Variants in POLR1B observed in about 807,000 individuals in gnomAD.
POLR1B encodes RNA polymerase I subunit B.
In POLR1B, 30 loss-of-function variants were observed where a neutral mutation model predicts 105.8. That is an observed-to-expected ratio of 0.28 (90% CI 0.21 to 0.38). The LOEUF is 0.38. Ranked by LOEUF, POLR1B falls within the 10% of genes least tolerant of loss-of-function variation. The pLI is 1.00. For missense variants in POLR1B, 976 were observed against 1,435.8 expected, an observed-to-expected ratio of 0.68 and a Z score of 5.17; for synonymous variants, 485 against 505.1, an observed-to-expected ratio of 0.96 and a Z score of 0.53.
chr2:112,574,783 A>T, intron 14 of POLR1B, 64 bp from the exon 15 acceptor site: 5 of 1,388,646 alleles, frequency 3.6e-6, no homozygotes, highest in Non-Finnish European at 4.9e-6. Flanking sequence ...TAATTATATC[A>T]ATGAAACTTA....
intron 12 of POLR1B, among the ~76,000 whole-genome samples, chr2:112,571,441 A>C (rs1328283884): frequency 6.6e-6 from 1 of 152,104 alleles, no homozygotes; most frequent in African/African-American, 2.4e-5. Context: ...TTCCTTCTTA[A>C]TACACAGTCC....
intron 10 of POLR1B, among the ~76,000 whole-genome samples, chr2:112,566,953 G>A (rs780318923): frequency 1.3e-5 from 2 of 151,978 alleles, no homozygotes; most frequent in African/African-American, 2.4e-5. Context: ...GGCTGGTCTC[G>A]AACTCCTGAC....
rs1044517681 is a variant in POLR1B, at chr2:112,576,989, G to T, written c.*1260G>T. ...TCTTTCTTGTGTACAGTATTTTATT[G>T]TATGGATTTACCATCCCCTGTGTAT... On this transcript the variant is annotated 3_prime_UTR_variant, in exon 15 of 15. Coordinates refer to ENST00000263331, the MANE Select transcript of POLR1B (RefSeq NM_019014.6). 3 of 152,064 alleles carry T rather than the reference G, an allele frequency of 2.0e-5. No homozygotes were observed. Among genetic ancestry groups the T allele is most frequent in the Non-Finnish European group, 4.4e-5 (3 of 68,010 alleles). 9.4% of individuals were successfully genotyped at this position (152,064 alleles called of 1,614,324 possible). A position where few individuals can be genotyped will look rare whatever the true frequency, so the allele number is the denominator to read the frequency against.
At position 112,579,208 on chromosome 2, in the gene POLR1B, C is replaced by CAAAAAAAAAAAAAAAAAAAAAAAAAAAAA. The variant is rs56190123; in HGVS notation, c.*3483_*3511dup. 3.4e-5 allele frequency among the ~76,000 whole-genome samples: 2 copies of CAAAAAAAAAAAAAAAAAAAAAAAAAAAAA among 58,664 alleles called. No homozygotes were observed. Among genetic ancestry groups the CAAAAAAAAAAAAAAAAAAAAAAAAAAAAA allele is most frequent in the Non-Finnish European group, 5.7e-5 (2 of 35,214 alleles). The allele number at this position is 58,664 out of a possible 152,430, so 38.5% of individuals were successfully genotyped here. On this transcript the variant is annotated 3_prime_UTR_variant, in exon 15 of 15. Transcript: ENST00000263331. Reference sequence around the variant, plus strand: ...GGGCAACAGAGCAAGACTAGAGTCTCAAAAAAAAAAAAAAAAAAAAAAAAA... The same window carrying CAAAAAAAAAAAAAAAAAAAAAAAAAAAAA: ...GGGCAACAGAGCAAGACTAGAGTCTCAAAAAAAAAAAAAAAAAAAAAAAAAAAAAAAAAAAAAAAAAAAAAAAAAAAAAA...
In POLR1B at chr2:112,578,450, C is replaced by T. The variant is rs372816753; in HGVS notation, c.*2721C>T. On this transcript the variant is annotated 3_prime_UTR_variant, in exon 15 of 15. Coordinates refer to ENST00000263331, the MANE Select transcript of POLR1B (RefSeq NM_019014.6). ...ATAACCTTTGAGAATGGCCTTTTCACTCCATTCCCTTGAGATACATCCAGG... is the reference window on the plus strand; with the variant it reads ...ATAACCTTTGAGAATGGCCTTTTCATTCCATTCCCTTGAGATACATCCAGG... Among the ~76,000 whole-genome samples, 26 of 152,296 alleles carry T rather than the reference C, an allele frequency of 1.7e-4. No individual in the cohort carries two copies. Among genetic ancestry groups the T allele is most frequent in the South Asian group, 1.2e-3 (6 of 4,824 alleles).
rs56190123 is a variant in POLR1B at position 112,579,208 on chromosome 2, C to CAAAAAA, written c.*3506_*3511dup. Among the ~76,000 whole-genome samples the CAAAAAA allele has an allele frequency of 7.0e-4, 41 of 58,684 alleles. No individual in the cohort carries two copies. The highest frequency in any genetic ancestry group is 2.0e-3 in the South Asian group (2 of 988). The allele number at this position is 58,684 out of a possible 152,430, so 38.5% of individuals were successfully genotyped here. A position where few individuals can be genotyped will look rare whatever the true frequency, so the allele number is the denominator to read the frequency against. ...GGGCAACAGAGCAAGACTAGAGTCT[C>CAAAAAA]AAAAAAAAAAAAAAAAAAAAAAAAA... On this transcript the variant is annotated 3_prime_UTR_variant, in exon 15 of 15. Transcript: ENST00000263331.
At chr2:112,561,425 A>T (rs1020841947) in intron 9 of POLR1B, among the ~76,000 whole-genome samples, 1 of 151,780 alleles carries the variant, frequency 6.6e-6, no homozygotes, top group Non-Finnish European at 1.5e-5. Context: ...CAAACACTTG[A>T]TGTCTTCAGA....
chr2:112,559,716 T>C (rs968791156), intron 9 of POLR1B, 142 bp downstream of exon 9: 50 of 978,506 alleles, frequency 5.1e-5, no homozygotes, highest in Non-Finnish European at 7.6e-5. Context: ...CTGCAAGCTC[T>C]GCCTCCTAGG....
intron 1 of POLR1B, chr2:112,545,778 C>A (rs60518507): frequency 0.11 from 36,495 of 323,304 alleles, 2,813 homozygotes; most frequent in East Asian, 0.31. Flanking sequence ...TAGCTGGGAC[C>A]ACAGGCGTGC....
rs1483672867 is a variant in POLR1B, at chr2:112,559,319, C to G, written c.1357C>G (p.Leu453Val). 1 of 1,614,154 alleles carries G rather than the reference C, an allele frequency of 6.2e-7. No homozygotes were observed. Among genetic ancestry groups the G allele is most frequent in the African/African-American group, 1.3e-5 (1 of 75,034 alleles). The change falls in exon 9 of 15, where the codon CTT becomes GTT. Residue 453 changes from leucine (L) to valine (V), a missense_variant. Physicochemically the swap from Leu to Val is conservative, Grantham distance 32. Transcript: ENST00000263331. The part of the protein sequence containing the change: ...TGLGLLQDSG[L>V]CVVADKLNFI... ...TCTTGGCCTCCTACAAGATTCTGGACTTTGTGTTGTGGCTGACAAGCTGAA... is the reference window on the plus strand; with the variant it reads ...TCTTGGCCTCCTACAAGATTCTGGAGTTTGTGTTGTGGCTGACAAGCTGAA...
intron 8 of POLR1B, among the ~76,000 whole-genome samples, chr2:112,558,461 G>T (rs1386896488): frequency 6.6e-6 from 1 of 152,108 alleles, no homozygotes; most frequent in Non-Finnish European, 1.5e-5. Flanking sequence ...CACTTTGGGA[G>T]ACCAAGGTAG....
upstream of POLR1B, chr2:112,542,054 C>T: frequency 6.7e-7 from 1 of 1,497,182 alleles, no homozygotes; most frequent in Non-Finnish European, 9.0e-7. Context: ...CCGGATGACT[C>T]CCCAGGGTCG....
chr2:112,564,254 A>G (rs978744260), intron 9 of POLR1B, 112 bp from the exon 10 acceptor site: 19 of 1,283,358 alleles, frequency 1.5e-5, no homozygotes, highest in Admixed American at 2.2e-5. Flanking sequence ...TTTAGAGACA[A>G]GGATAATTTG....
At position 112,568,064 on chromosome 2, in the gene POLR1B, C is replaced by A. The variant is rs750819779; in HGVS notation, c.1844C>A (p.Thr615Asn). The change falls in exon 11 of 15, where the codon ACT becomes AAT. Residue 615 changes from threonine (T) to asparagine (N), a missense_variant. By Grantham distance (65) the Thr-to-Asn change is moderately conservative. Around this residue, in one of 12 missense-constraint regions of POLR1B, gnomAD observed 184 missense variants for 197.4 expected, o/e 0.93. Coordinates refer to ENST00000263331, the MANE Select transcript of POLR1B (RefSeq NM_019014.6). The part of the protein sequence containing the change: ...SLYPGLFLFT[T>N]PCRLVRPVQN... ...TACCCAGGATTGTTCCTTTTTACCA[C>A]TCCTTGTAGACTGGTACGGCCTGTG... 2.2e-5 allele frequency: 35 copies of A among 1,613,958 alleles called. No individual in the cohort carries two copies. Among genetic ancestry groups the A allele is most frequent in the Non-Finnish European group, 3.0e-5 (35 of 1,179,798 alleles).
At position 112,579,080 on chromosome 2, in the gene POLR1B, C is replaced by CTGAGTA. The variant is rs1684984930; in HGVS notation, c.*3351_*3352insTGAGTA. The stretch of plus-strand genomic sequence containing the variant: ...AAAATTAGCTGGGTGTGATGGCACA[C>CTGAGTA]GCCTGTAATCCCAGCTACTCAGGAG... On this transcript the variant is annotated 3_prime_UTR_variant, in exon 15 of 15. Transcript: ENST00000263331. Among the ~76,000 whole-genome samples, 1 of 151,716 alleles carries CTGAGTA rather than the reference C, an allele frequency of 6.6e-6. No individual in the cohort carries two copies. The highest frequency in any genetic ancestry group is 1.5e-5 in the Non-Finnish European group (1 of 67,926).
rs751593222 is a variant in POLR1B at position 112,552,035 on chromosome 2, G to A, written c.986+37G>A. 2.8e-5 allele frequency: 44 copies of A among 1,545,082 alleles called. No homozygotes were observed. In the East Asian group the frequency reaches 3.6e-4, roughly 13 times the overall value. ...TTGTCTAAACTGTTTTTGGAGGGGC[G>A]GAGGGCTGTCAGTGGTTCTTTGTAT... On this transcript the variant is annotated intron_variant, in intron 6 of 14. Transcript: ENST00000263331.
chr2:112,552,559 A>G (rs964241426), intron 6 of POLR1B, 86 bp from the exon 7 acceptor site: 6 of 1,316,516 alleles, frequency 4.6e-6, no homozygotes, highest in Admixed American at 2.6e-5. Flanking sequence ...TTAAGTAAGC[A>G]TGAGTTGGGG....
At chr2:112,545,219 A>G (rs529099095) in intron 1 of POLR1B, among the ~76,000 whole-genome samples, 1 of 152,356 alleles carries the variant, frequency 6.6e-6, no homozygotes, top group South Asian at 2.1e-4. Flanking sequence ...TAATACATGC[A>G]TTTAACATAG....
At chr2:112,546,578 T>G (rs1179731839) in intron 1 of POLR1B, among the ~76,000 whole-genome samples, 1 of 87,138 alleles carries the variant, frequency 1.1e-5, no homozygotes, top group African/African-American at 4.5e-5. Context: ...TTTTTTTTTT[T>G]TGAGACGGAG....
Sources: gnomAD v4.1 joint callset for allele counts (sites outside exome capture counted in the v4.1 genomes callset) on GRCh38, gnomAD v4.1.1 for gene constraint, gnomAD v4.1.1 regional missense constraint, MANE v1.5 for transcripts, NCBI Gene and HGNC (gene_info 2026-07-23, HGNC 2026-07-21) for gene names.